The following BCL2L13 variants were observed in gnomAD, a reference collection of about 807,000 sequenced individuals.
The protein encoded by BCL2L13 is bcl-2-like protein 13.
Under a neutral mutation model 25.8 loss-of-function variants are expected in BCL2L13, and 13 were observed. The observed-to-expected ratio is 0.50, with a 90% CI of 0.33 to 0.80. The LOEUF (loss-of-function observed/expected upper bound fraction) is 0.80. Among genes scored for constraint, BCL2L13 ranks in the 30% least tolerant of loss-of-function variants. The probability of loss-of-function intolerance (pLI) is 0.02; values close to 1 mark genes in which losing one functional copy is unlikely to be tolerated. For synonymous variants in BCL2L13, 244 were observed against 230.3 expected (o/e 1.06, Z -0.54); for missense variants, 504 against 574.9 (o/e 0.88, Z 1.26).
At chr22:17,642,348 G>A (rs911968610) in intron 1 of BCL2L13, among the ~76,000 whole-genome samples, 19 of 151,574 alleles carry the variant, frequency 1.3e-4, no homozygotes, top group South Asian at 4.2e-4. Flanking sequence ...TAGTAGAGAC[G>A]GGGTTTTGCC....
At chr22:17,670,928 C>T (rs1218817082) in intron 2 of BCL2L13, among the ~76,000 whole-genome samples, 1 of 152,122 alleles carries the variant, frequency 6.6e-6, no homozygotes, top group Non-Finnish European at 1.5e-5. Flanking sequence ...AACCTGAAAA[C>T]TGCAATCATG....
chr22:17,719,928 A>G (rs566022635), intron 6 of BCL2L13, among the ~76,000 whole-genome samples: 3 of 152,232 alleles, frequency 2.0e-5, no homozygotes, highest in Non-Finnish European at 4.4e-5. Context: ...CAGATACAGA[A>G]GGCTATATTG....
At chr22:17,631,595 C>T (rs998994616) in intron 1 of BCL2L13, among the ~76,000 whole-genome samples, 9 of 142,004 alleles carry the variant, frequency 6.3e-5, no homozygotes, top group African/African-American at 2.1e-4. Context: ...AACTCCTGGG[C>T]TCAGGGGATC....
At chr22:17,725,786 T>A (rs2061279679) in intron 6 of BCL2L13, among the ~76,000 whole-genome samples, 1 of 151,580 alleles carries the variant, frequency 6.6e-6, no homozygotes, top group South Asian at 2.1e-4. Flanking sequence ...GATTTTGGAA[T>A]GTTTGTGTGT....
chr22:17,631,666 GTGTGTATATATATA>G (rs1346028928), intron 1 of BCL2L13, among the ~76,000 whole-genome samples: 1 of 21,422 alleles, frequency 4.7e-5, no homozygotes, highest in African/African-American at 1.7e-4. Context: ...GTATGTGTGT[GTGTGTATATATATA>G]TATATATATA....
intron 3 of BCL2L13, among the ~76,000 whole-genome samples, chr22:17,683,855 T>C: frequency 6.8e-6 from 1 of 148,146 alleles, no homozygotes; most frequent in South Asian, 2.1e-4. Context: ...ATTATTATTA[T>C]TATTATTATT....
At chr22:17,675,724 A>G (rs1233597970) in intron 2 of BCL2L13, among the ~76,000 whole-genome samples, 2 of 152,246 alleles carry the variant, frequency 1.3e-5, no homozygotes, top group African/African-American at 2.4e-5. Context: ...AACAGGTTGC[A>G]GAACATCTGG....
At chr22:17,717,959 T>C (rs1207237255) in intron 6 of BCL2L13, among the ~76,000 whole-genome samples, 1 of 152,120 alleles carries the variant, frequency 6.6e-6, no homozygotes, top group East Asian at 1.9e-4. Context: ...TGATGGTGCA[T>C]GCCTGTGGTC....
At chr22:17,653,013 C>T (rs953693584) in intron 1 of BCL2L13, among the ~76,000 whole-genome samples, 59 of 151,944 alleles carry the variant, frequency 3.9e-4, no homozygotes, top group African/African-American at 1.4e-3. Context: ...TGCAGTGAGC[C>T]GAGATCGCGC....
At chr22:17,631,104 A>G (rs1036870038) in intron 1 of BCL2L13, among the ~76,000 whole-genome samples, 3 of 143,876 alleles carry the variant, frequency 2.1e-5, no homozygotes, top group Non-Finnish European at 3.1e-5. Context: ...AAAATCACTC[A>G]ATTTTTTTTT....
intron 3 of BCL2L13, among the ~76,000 whole-genome samples, chr22:17,684,179 G>T (rs1406708227): frequency 6.6e-6 from 1 of 151,996 alleles, no homozygotes; most frequent in African/African-American, 2.4e-5. Flanking sequence ...AAAAGGTCCA[G>T]TTCAGTCTGG....
chr22:17,686,151 T>A (rs1031282347), intron 3 of BCL2L13, among the ~76,000 whole-genome samples: 1 of 151,932 alleles, frequency 6.6e-6, no homozygotes, highest in East Asian at 1.9e-4. Context: ...AAAACACAGA[T>A]AGAAATGTAC....
Position 17,727,196 on chromosome 22 carries a change from A to G in BCL2L13, c.1120A>G (p.Thr374Ala), listed in dbSNP as rs201972889. ...VITVEKSSPA[T>A]SLFVELDEEE... Reference sequence around the variant, plus strand: ...CACAGTTGAGAAATCCAGCCCTGCTACATCTCTGTTTGTAGAACTTGATGA... The same window carrying G: ...CACAGTTGAGAAATCCAGCCCTGCTGCATCTCTGTTTGTAGAACTTGATGA... Residue 374 changes from threonine to alanine, a missense_variant, in exon 7 of 7, where the codon ACA becomes GCA. Coordinates refer to ENST00000317582, the MANE Select transcript of BCL2L13 (RefSeq NM_015367.4). The G allele has an allele frequency of 1.2e-6, 2 of 1,614,242 alleles. No homozygotes were observed. Among genetic ancestry groups the G allele is most frequent in the African/African-American group, 1.3e-5 (1 of 75,062 alleles).
chr22:17,693,362 TTTAG>T, intron 4 of BCL2L13, among the ~76,000 whole-genome samples: 1 of 125,502 alleles, frequency 8.0e-6, no homozygotes, highest in African/African-American at 3.2e-5. Flanking sequence ...TATTTATTTA[TTTAG>T]TGTTTGTTTT....
At chr22:17,714,639 A>G (rs1330442253) in intron 6 of BCL2L13, among the ~76,000 whole-genome samples, 1 of 152,218 alleles carries the variant, frequency 6.6e-6, no homozygotes, top group Non-Finnish European at 1.5e-5. Flanking sequence ...ACTAGAACGT[A>G]GAAAGGTGTT....
chr22:17,647,369 A>G (rs550260341), intron 1 of BCL2L13, among the ~76,000 whole-genome samples: 1 of 152,024 alleles, frequency 6.6e-6, no homozygotes, highest in Non-Finnish European at 1.5e-5. Context: ...TGGCCTCCCA[A>G]AGTGCTTCTA....
At chr22:17,710,060 C>G (rs1353714300) in intron 6 of BCL2L13, among the ~76,000 whole-genome samples, 1 of 85,690 alleles carries the variant, frequency 1.2e-5, no homozygotes, top group East Asian at 4.5e-4. Flanking sequence ...ACAGTAAGAC[C>G]TTGTCTTAAA....
intron 2 of BCL2L13, among the ~76,000 whole-genome samples, chr22:17,662,557 C>T (rs551623815): frequency 2.0e-3 from 306 of 152,240 alleles, no homozygotes; most frequent in Non-Finnish European, 3.1e-3. Context: ...TGTCATGGCT[C>T]ACACCTGTAA....
intron 1 of BCL2L13, among the ~76,000 whole-genome samples, chr22:17,630,220 AAAAAC>A (rs2057979036): frequency 2.0e-5 from 3 of 147,312 alleles, no homozygotes; most frequent in Non-Finnish European, 3.0e-5. Context: ...TCCGTCTCAA[AAAAAC>A]AAAAAAAAAA....
Sources: gnomAD v4.1 joint callset for allele counts (sites outside exome capture counted in the v4.1 genomes callset) on GRCh38, gnomAD v4.1.1 for gene constraint, MANE v1.5 for transcripts, NCBI Gene and HGNC (gene_info 2026-07-23, HGNC 2026-07-21) for gene names.